The following PML variants were observed in gnomAD, a reference collection of about 807,000 sequenced individuals.
PML encodes PML nuclear body scaffold, also known as protein PML.
A neutral mutation model predicts 65.2 loss-of-function variants in PML; 28 were observed. The observed-to-expected ratio is 0.43, with a 90% CI of 0.32 to 0.59. The LOEUF (loss-of-function observed/expected upper bound fraction) is 0.59, where lower values mean the gene tolerates loss of function less well. Among genes scored for constraint, PML ranks in the 20% least tolerant of loss-of-function variants. The probability of loss-of-function intolerance (pLI) is 0.08; values close to 1 mark genes in which losing one functional copy is unlikely to be tolerated. For synonymous variants in PML, 500 were observed against 508.8 expected, an observed-to-expected ratio of 0.98 and a Z score of 0.23; for missense variants, 1,021 against 1,203.4, an observed-to-expected ratio of 0.85 and a Z score of 2.24.
In PML at chr15:74,044,233, G is replaced by T; in HGVS notation, c.1874G>T (p.Ser625Ile). ...LKIDNETQKISQLAAVNRESK... is the reference protein window; with the variant it reads ...LKIDNETQKIIQLAAVNRESK... Reference sequence around the variant, plus strand: ...CTCTCCTGCCCAGCCCAGAAGATTAGCCAGCTGGCTGCGGTGAACCGGGAA... The same window carrying T: ...CTCTCCTGCCCAGCCCAGAAGATTATCCAGCTGGCTGCGGTGAACCGGGAA... The change falls in exon 9 of 9, where the codon AGC becomes ATC. Residue 625 changes from serine to isoleucine, a missense_variant. By Grantham distance (142) the Ser-to-Ile change is moderately radical. Transcript: ENST00000268058. 1 of 1,613,762 alleles carries T rather than the reference G, an allele frequency of 6.2e-7. No individual in the cohort carries two copies. The highest frequency in any genetic ancestry group is 2.2e-5 in the East Asian group (1 of 44,870).
intron 6 of PML, chr15:74,033,802 G>A: frequency 1.9e-6 from 1 of 537,512 alleles, no homozygotes; most frequent in Non-Finnish European, 3.3e-6. Flanking sequence ...TGCTCTCTCA[G>A]TCTACACCCA....
chr15:74,038,273 ACC>A (rs1159690552), intron 7 of PML, among the ~76,000 whole-genome samples: 2 of 151,974 alleles, frequency 1.3e-5, no homozygotes, highest in Non-Finnish European at 2.9e-5. Flanking sequence ...AAGTAGAGGG[ACC>A]CCAGCAATAT....
chr15:74,009,328 G>A (rs1454191555), intron 2 of PML, among the ~76,000 whole-genome samples: 1 of 152,186 alleles, frequency 6.6e-6, no homozygotes, highest in Non-Finnish European at 1.5e-5. Context: ...CCTGCTTGGT[G>A]CTCTCTTGGT....
In PML at chr15:74,037,103, T is replaced by C. The variant is rs539171839; in HGVS notation, c.1710+2573T>C. On this transcript the variant is annotated intron_variant, in intron 7 of 8. Transcript: ENST00000268058. This position sits in a 1 kb window ranked among gnomAD's most constrained non-coding sequence, Gnocchi z 4.2. Reference sequence around the variant, plus strand: ...GAGAAAGGCCTGGGAAAACTATGAGTGGTTGCCTGTGACTGCTAAGGGCTC... The same window carrying C: ...GAGAAAGGCCTGGGAAAACTATGAGCGGTTGCCTGTGACTGCTAAGGGCTC... 1.0e-6 allele frequency: 1 copy of C among 985,370 alleles called. No individual in the cohort carries two copies. Among genetic ancestry groups the C allele is most frequent in the Admixed American group, 6.1e-5 (1 of 16,286 alleles). 61.0% of individuals were successfully genotyped at this position (985,370 alleles called of 1,614,324 possible). A position where few individuals can be genotyped will look rare whatever the true frequency, so the allele number is the denominator to read the frequency against.
rs2071723962 is a variant in PML at position 74,042,845 on chromosome 15, CTT to C, written c.1711-143_1711-142del. On this transcript the variant is annotated intron_variant, in intron 7 of 8. Transcript: ENST00000268058. The surrounding 1 kb of genome is among the most constrained non-coding windows in gnomAD (Gnocchi z 5.3). ...ACCCATTCATGCACACATACCTTCT[CTT>C]GTGCACACGTCCCCTTTCCCAGTGG... is the stretch of plus-strand genomic sequence containing the variant. The C allele has an allele frequency of 1.9e-6, 3 of 1,552,080 alleles. No homozygotes were observed. Among genetic ancestry groups the C allele is most frequent in the South Asian group, 2.3e-5 (2 of 85,198 alleles).
In PML at chr15:74,023,267, A is replaced by C. The variant is rs769864191; in HGVS notation, c.1042A>C (p.Met348Leu). The C allele has an allele frequency of 6.2e-7, 1 of 1,611,048 alleles. No homozygotes were observed. Among genetic ancestry groups the C allele is most frequent in the South Asian group, 1.1e-5 (1 of 91,022 alleles). The change falls in exon 3 of 9, where the codon ATG becomes CTG. Residue 348 changes from methionine to leucine, a missense_variant. By Grantham distance (15) the Met-to-Leu change is conservative. Coordinates refer to ENST00000268058, the MANE Select transcript of PML (RefSeq NM_033238.3). ...CYASDQEVLDMHGFLRQALCR... is the reference protein window; with the variant it reads ...CYASDQEVLDLHGFLRQALCR... ...CGCCTCGGACCAGGAGGTGCTGGAC[A>C]TGCACGGTTTCCTGCGCCAGGCGCT...
At chr15:74,029,469 C>T (rs1370303543) in intron 4 of PML, among the ~76,000 whole-genome samples, 1 of 151,996 alleles carries the variant, frequency 6.6e-6, no homozygotes, top group Admixed American at 6.6e-5. Flanking sequence ...TCTAAAAATA[C>T]AAACATTAGC....
intron 4 of PML, chr15:74,032,315 C>T (rs2071357075): frequency 1.9e-6 from 1 of 533,840 alleles, no homozygotes; most frequent in African/African-American, 1.9e-5. Context: ...GAGAATTGCT[C>T]AAGCCCAGGA....
intron 2 of PML, among the ~76,000 whole-genome samples, chr15:74,013,559 T>G (rs912694989): frequency 1.3e-5 from 2 of 152,252 alleles, no homozygotes; most frequent in African/African-American, 4.8e-5. Flanking sequence ...CTGTGGCATA[T>G]TTTGCAATTT....
chr15:74,038,703 C>T (rs1187416088), intron 7 of PML, among the ~76,000 whole-genome samples: 1 of 152,128 alleles, frequency 6.6e-6, no homozygotes, highest in African/African-American at 2.4e-5. Context: ...CCGGCTCCCA[C>T]CTAACCCATC....
At chr15:74,007,889 G>C (rs189265182) in intron 2 of PML, among the ~76,000 whole-genome samples, 144 of 152,348 alleles carry the variant, frequency 9.5e-4, no homozygotes, top group African/African-American at 3.2e-3. Context: ...GTTCCGTGCA[G>C]AAGGCTGCAT....
rs758050411 is a variant in PML, at chr15:74,044,472, T to G, written c.2113T>G (p.Ser705Ala). 6.2e-7 allele frequency: 1 copy of G among 1,614,070 alleles called. No homozygotes were observed. Among genetic ancestry groups the G allele is most frequent in the Non-Finnish European group, 8.5e-7 (1 of 1,179,966 alleles). ...NRLWEFQEAI[S>A]GFLAALPLIR... ...GCTGTGGGAATTCCAGGAGGCCATC[T>G]CGGGCTTCCTGGCTGCCCTGCCTCT... Residue 705 changes from serine to alanine, a missense_variant, in exon 9 of 9, where the codon TCG becomes GCG. By Grantham distance (99) the Ser-to-Ala change is moderately conservative (BLOSUM62 1). Transcript: ENST00000268058.
chr15:74,034,714 A>C, intron 7 of PML, 184 bp downstream of exon 7: 1 of 1,519,018 alleles, frequency 6.6e-7, no homozygotes, highest in Non-Finnish European at 8.8e-7. Context: ...GGACCACCCC[A>C]GCCCTCCCAC....
intron 7 of PML, among the ~76,000 whole-genome samples, chr15:74,039,938 C>T (rs1003555073): frequency 6.6e-6 from 1 of 152,136 alleles, no homozygotes. Context: ...TTCCTCTGAG[C>T]ATGCTTGGGA....
chr15:74,023,183 G>A lies in PML; in HGVS notation c.958G>A (p.Asp320Asn). The change falls in exon 3 of 9, where the codon GAT becomes AAT. Residue 320 changes from aspartate (D) to asparagine (N), a missense_variant. Asp to Asn is a conservative substitution (Grantham distance 23, BLOSUM62 1). Transcript: ENST00000268058. Reference protein sequence around the residue: ...EEMASRLGRLDAVLQRIRTGS... With the variant: ...EEMASRLGRLNAVLQRIRTGS... ...GATGGCCAGTCGGCTGGGCCGCCTG[G>A]ATGCTGTGCTGCAGCGCATCCGCAC... 1 of 1,607,214 alleles carries A rather than the reference G, an allele frequency of 6.2e-7. No homozygotes were observed. Among genetic ancestry groups the A allele is most frequent in the East Asian group, 2.2e-5 (1 of 44,738 alleles).
At chr15:74,020,769 C>T (rs1222644922) in intron 2 of PML, among the ~76,000 whole-genome samples, 1 of 152,106 alleles carries the variant, frequency 6.6e-6, no homozygotes, top group Non-Finnish European at 1.5e-5. Flanking sequence ...TTGCCTTTCC[C>T]AGCTTCTAGA....
Position 74,035,246 on chromosome 15 carries a change from C to T in PML, c.1710+716C>T, listed in dbSNP as rs1422626257. 1.9e-6 allele frequency: 3 copies of T among 1,609,920 alleles called. No homozygotes were observed. The highest frequency in any genetic ancestry group is 2.5e-6 in the Non-Finnish European group (3 of 1,176,694). On this transcript the variant is annotated intron_variant, in intron 7 of 8. Transcript: ENST00000268058. This position sits in a 1 kb window ranked among gnomAD's most constrained non-coding sequence, Gnocchi z 4.1. Reference sequence around the variant, plus strand: ...CCTCGCCAGCCCACTCCTCGCCAGCCCACTCCTCGCCAGTCCAGTCTCTGC... The same window carrying T: ...CCTCGCCAGCCCACTCCTCGCCAGCTCACTCCTCGCCAGTCCAGTCTCTGC...
chr15:74,034,564 G>A, intron 7 of PML, 34 bp downstream of exon 7: 1 of 1,614,160 alleles, frequency 6.2e-7, no homozygotes, highest in Non-Finnish European at 8.5e-7. Flanking sequence ...CAGGACTCCT[G>A]CCTCCCCCCA....
intron 2 of PML, among the ~76,000 whole-genome samples, chr15:74,002,257 A>G (rs1278208716): frequency 6.6e-6 from 1 of 151,928 alleles, no homozygotes; most frequent in African/African-American, 2.4e-5. Flanking sequence ...CCTAGCAATA[A>G]TCCTTAGAGT....
Sources: gnomAD v4.1 joint callset for allele counts (sites outside exome capture counted in the v4.1 genomes callset) on GRCh38, gnomAD v4.1.1 for gene constraint, Gnocchi (gnomAD v3.1) non-coding constraint, MANE v1.5 for transcripts, NCBI Gene and HGNC (gene_info 2026-07-23, HGNC 2026-07-21) for gene names.